CORIN: variants seen among roughly 807,000 people sequenced by gnomAD.
The protein encoded by CORIN is corin, serine peptidase, also known as atrial natriuretic peptide-converting enzyme.
A neutral mutation model predicts 125.3 loss-of-function variants in CORIN; 117 were observed. The observed-to-expected ratio is 0.93, with a 90% CI of 0.80 to 1.09. The LOEUF (loss-of-function observed/expected upper bound fraction) is 1.09, where lower values mean the gene tolerates loss of function less well. Among genes scored for constraint, CORIN ranks in the 50% least tolerant of loss-of-function variants. The probability of loss-of-function intolerance (pLI) is 0.00; values close to 1 mark genes in which losing one functional copy is unlikely to be tolerated. For missense variants in CORIN, 1,253 were observed against 1,306.7 expected (o/e 0.96, Z 0.63); for synonymous variants, 450 against 466.4 (o/e 0.96, Z 0.45).
intron 1 of CORIN, among the ~76,000 whole-genome samples, chr4:47,832,431 C>A (rs1049188789): frequency 2.1e-5 from 3 of 143,832 alleles, no homozygotes; most frequent in Non-Finnish European, 4.5e-5. Context: ...TTCTTTCTTT[C>A]TTTCTTTTCT....
rs1553905918 is a variant in CORIN at position 47,632,741 on chromosome 4, A to AGATAGAT, written c.2199-6227_2199-6221dup. On this transcript the variant is annotated intron_variant, in intron 16 of 21. Transcript: ENST00000273857. ...GACAATAGATGATAGATAGATAGATAGATAGATAGATAGATAGATAGATAG... is the reference window on the plus strand; with the variant it reads ...GACAATAGATGATAGATAGATAGATAGATAGATGATAGATAGATAGATAGATAGATAG... Among the ~76,000 whole-genome samples, 36 of 111,904 alleles carry AGATAGAT rather than the reference A, an allele frequency of 3.2e-4. 1 individual carries two copies. Among genetic ancestry groups the AGATAGAT allele is most frequent in the South Asian group, 2.3e-3 (9 of 3,844 alleles). The allele number at this position is 111,904 out of a possible 152,430, so 73.4% of individuals were successfully genotyped here. A position where few individuals can be genotyped will look rare whatever the true frequency, so the allele number is the denominator to read the frequency against.
rs542258831 is a variant in CORIN, at chr4:47,674,470, C to T, written c.1280G>A (p.Arg427Lys). The change falls in exon 10 of 22, where the codon AGA becomes AAA. Residue 427 changes from arginine (R) to lysine (K), a missense_variant. Coordinates refer to ENST00000273857, the MANE Select transcript of CORIN (RefSeq NM_006587.4). The part of the protein sequence containing the change: ...IQTSCQEGDQ[R>K]CLYNPCLDSC... ...ATCAAGGCAGGGATTGTAGAGGCAT[C>T]TTTGGTCTCCTTCTTGACATGAAGT... 9.7e-5 allele frequency: 157 copies of T among 1,613,756 alleles called. No individual in the cohort carries two copies. The South Asian group carries it at 1.5e-3, about 16-fold the overall frequency.
At chr4:47,645,442 CTT>C (rs1384274543) in intron 13 of CORIN, among the ~76,000 whole-genome samples, 2 of 143,014 alleles carry the variant, frequency 1.4e-5, no homozygotes, top group Non-Finnish European at 3.0e-5. Flanking sequence ...CAGAGCGAGA[CTT>C]TGTCTCAAAA....
chr4:47,809,571 A>G (rs1259671698), intron 1 of CORIN, among the ~76,000 whole-genome samples: 1 of 151,666 alleles, frequency 6.6e-6, no homozygotes, highest in African/African-American at 2.4e-5. Flanking sequence ...CTCCCGGCTA[A>G]TTTTTTGTGC....
rs755419976 is a variant in CORIN, at chr4:47,665,062, A to G, written c.1559T>C (p.Val520Ala). 10 of 1,612,640 alleles carry G rather than the reference A, an allele frequency of 6.2e-6. No homozygotes were observed. Among genetic ancestry groups the G allele is most frequent in the Non-Finnish European group, 8.5e-6 (10 of 1,178,814 alleles). The change falls in exon 11 of 22, where the codon GTG becomes GCG. Residue 520 changes from valine (V) to alanine (A), a missense_variant. Physicochemically the swap from Val to Ala is moderately conservative, Grantham distance 64. Transcript: ENST00000273857. The part of the protein sequence containing the change: ...SCTILVPKCD[V>A]NTGEHIPPCR... The stretch of plus-strand genomic sequence containing the variant: ...AGGAGGGATATGCTCGCCTGTATTC[A>G]CATCACATTTTGGTACCAAAATGGT...
chr4:47,734,317 CAA>C (rs1295297832), intron 5 of CORIN, among the ~76,000 whole-genome samples: 1 of 152,170 alleles, frequency 6.6e-6, no homozygotes, highest in African/African-American at 2.4e-5. Context: ...ACGATTGAGA[CAA>C]GAGTCAACTT....
chr4:47,661,931 A>C (rs940794814), intron 11 of CORIN, 75 bp from the exon 12 acceptor site: 4 of 1,404,234 alleles, frequency 2.8e-6, no homozygotes, highest in Non-Finnish European at 2.9e-6. Flanking sequence ...AATTTATGTC[A>C]AGTTTTAATT....
chr4:47,830,050 A>G (rs982310399), intron 1 of CORIN, among the ~76,000 whole-genome samples: 1 of 152,206 alleles, frequency 6.6e-6, no homozygotes, highest in Non-Finnish European at 1.5e-5. Flanking sequence ...AAAACAATAT[A>G]GCTTTGATTT....
intron 19 of CORIN, among the ~76,000 whole-genome samples, chr4:47,620,295 C>A (rs1722252635): frequency 6.6e-6 from 1 of 152,088 alleles, no homozygotes; most frequent in Non-Finnish European, 1.5e-5. Context: ...AAAATGGCAG[C>A]AAACTGGAAC....
chr4:47,643,653 GT>G (rs1030688898), intron 14 of CORIN, among the ~76,000 whole-genome samples: 29 of 151,326 alleles, frequency 1.9e-4, no homozygotes, highest in Non-Finnish European at 3.2e-4. Context: ...TGCATAATAA[GT>G]TTTTTTTTCC....
intron 4 of CORIN, among the ~76,000 whole-genome samples, chr4:47,750,665 C>T (rs1358610465): frequency 6.6e-6 from 1 of 152,182 alleles, no homozygotes; most frequent in African/African-American, 2.4e-5. Context: ...TGGCCTCTTA[C>T]AGTGAGTGGG....
chr4:47,653,944 T>C (rs1723849127), intron 12 of CORIN, among the ~76,000 whole-genome samples: 1 of 152,256 alleles, frequency 6.6e-6, no homozygotes, highest in Non-Finnish European at 1.5e-5. Context: ...GAGCCTGATA[T>C]GCCTTGTGCA....
chr4:47,677,049 T>C (rs1161609505), intron 9 of CORIN, among the ~76,000 whole-genome samples: 1 of 152,230 alleles, frequency 6.6e-6, no homozygotes, highest in Non-Finnish European at 1.5e-5. Context: ...CTAATTTATC[T>C]ATAGGTGACC....
chr4:47,667,299 G>A (rs568285531), intron 10 of CORIN, among the ~76,000 whole-genome samples: 10 of 152,224 alleles, frequency 6.6e-5, no homozygotes, highest in South Asian at 2.1e-4. Context: ...TATCAGCAGC[G>A]TGAAAACAGA....
chr4:47,643,332 A>C, intron 14 of CORIN, 76 bp from the exon 15 acceptor site: 4 of 1,338,502 alleles, frequency 3.0e-6, no homozygotes, highest in Non-Finnish European at 4.1e-6. Context: ...GCATATCTTC[A>C]TGTGCCAGCA....
chr4:47,627,250 T>A (rs748920770), intron 16 of CORIN, among the ~76,000 whole-genome samples: 1 of 152,178 alleles, frequency 6.6e-6, no homozygotes, highest in African/African-American at 2.4e-5. Context: ...CCCAAACTGC[T>A]AGGATTACAG....
intron 19 of CORIN, among the ~76,000 whole-genome samples, chr4:47,619,044 C>T (rs767686487): frequency 1.3e-5 from 2 of 152,016 alleles, no homozygotes; most frequent in Non-Finnish European, 2.9e-5. Flanking sequence ...TGTTTCTGAC[C>T]ATTACTAGCT....
intron 1 of CORIN, among the ~76,000 whole-genome samples, chr4:47,817,228 C>A (rs1204239372): frequency 1.3e-5 from 2 of 151,452 alleles, no homozygotes; most frequent in Non-Finnish European, 2.9e-5. Context: ...GAATATCAAT[C>A]AAAAAGAAGT....
chr4:47,741,124 T>C (rs942863259), intron 5 of CORIN, among the ~76,000 whole-genome samples: 15 of 151,864 alleles, frequency 9.9e-5, no homozygotes, highest in African/African-American at 3.6e-4. Context: ...AGTTAAAAAC[T>C]GTTGTTAAAA....
Sources: allele counts gnomAD v4.1 joint callset (sites outside exome capture counted in the v4.1 genomes callset), GRCh38; gene constraint gnomAD v4.1.1; transcripts MANE v1.5; gene names NCBI Gene and HGNC (gene_info 2026-07-23, HGNC 2026-07-21).